The following GUCA1A variants were observed in gnomAD, a reference collection of about 807,000 sequenced individuals.
The protein encoded by GUCA1A is guanylyl cyclase-activating protein 1.
Under a neutral mutation model 18.5 loss-of-function variants are expected in GUCA1A, and 14 were observed. The observed-to-expected ratio is 0.76, with a 90% confidence interval of 0.50 to 1.18. The LOEUF is 1.18. Ranked by LOEUF, GUCA1A falls within the 50% of genes most tolerant of loss-of-function variation. The pLI, the probability that GUCA1A is intolerant of heterozygous loss-of-function variation, is 0.00. For missense variants in GUCA1A, 264 were observed against 262.4 expected (o/e 1.01, Z -0.04); for synonymous variants, 97 against 100.2 (o/e 0.97, Z 0.19).
At position 42,173,699 on chromosome 6, in the gene GUCA1A, GC is replaced by G; in HGVS notation, c.90del (p.Ser31LeufsTer18). 1 of 1,613,638 alleles carries G rather than the reference GC, an allele frequency of 6.2e-7. No homozygotes were observed. The highest frequency in any genetic ancestry group is 8.5e-7 in the Non-Finnish European group (1 of 1,179,504). On this transcript the variant is annotated frameshift_variant, in exon 1 of 4. Coordinates refer to ENST00000372958, the MANE Select transcript of GUCA1A (RefSeq NM_001384910.1). LOFTEE classifies it high-confidence loss of function. Reference sequence around the variant, plus strand: ...TGGTACAAGAAGTTCATGACTGAGTGCCCCTCTGGCCAACTCACCCTCTATG... The same window carrying G: ...TGGTACAAGAAGTTCATGACTGAGTGCCCTCTGGCCAACTCACCCTCTATG... ...HQWYKKFMTE[C>X]PSGQLTLYEF... is the part of the protein sequence containing the mutation.
At chr6:42,178,124 C>T (rs1768004987) in intron 1 of GUCA1A, among the ~76,000 whole-genome samples, 156 bp from the exon 2 acceptor site, 1 of 152,258 alleles carries the variant, frequency 6.6e-6, no homozygotes, top group Non-Finnish European at 1.5e-5. Flanking sequence ...GGAGACAGGG[C>T]TGGCCCCCTC....
At position 42,173,436 on chromosome 6, in the gene GUCA1A, T is replaced by A. The variant is rs1767860130; in HGVS notation, c.-178T>A. On this transcript the variant is annotated 5_prime_UTR_variant, in exon 1 of 4. Coordinates refer to ENST00000372958, the MANE Select transcript of GUCA1A (RefSeq NM_001384910.1). ...TGGGCCATCATCTTCTTCCTTCTGC[T>A]CTCTCCCTCTCCACATTTCCCGGTA... 1 of 652,684 alleles carries A rather than the reference T, an allele frequency of 1.5e-6. No individual in the cohort carries two copies. The highest frequency in any genetic ancestry group is 2.3e-5 in the Admixed American group (1 of 44,230). The allele number at this position is 652,684 out of a possible 1,614,324, so 40.4% of individuals were successfully genotyped here.
intron 3 of GUCA1A, 135 bp downstream of exon 3, chr6:42,179,030 C>T: frequency 1.1e-6 from 1 of 879,890 alleles, no homozygotes; most frequent in Non-Finnish European, 1.9e-6. Flanking sequence ...TCACTTCCTC[C>T]ACCTGCCTCT....
intron 1 of GUCA1A, 116 bp from the exon 2 acceptor site, chr6:42,178,164 T>G (rs956056174): frequency 1.6e-6 from 2 of 1,243,218 alleles, no homozygotes; most frequent in African/African-American, 1.5e-5. Context: ...GGGTCTCCCC[T>G]CAGCGTCTCT....
chr6:42,177,362 TAAGAA>T (rs1767983583), intron 1 of GUCA1A, among the ~76,000 whole-genome samples: 1 of 152,174 alleles, frequency 6.6e-6, no homozygotes, highest in African/African-American at 2.4e-5. Flanking sequence ...TGGAGAGCAC[TAAGAA>T]AAGTTAGTAT....
Position 42,173,638 on chromosome 6 carries a change from T to TCAGTGGAGGAGCTGAGCAGCA in GUCA1A, c.27_47dup (p.Val10_Thr16dup). On this transcript the variant is annotated inframe_insertion, in exon 1 of 4. Transcript: ENST00000372958. ...AATGGGCAACGTGATGGAGGGAAAG[T>TCAGTGGAGGAGCTGAGCAGCA]CAGTGGAGGAGCTGAGCAGCACCGA... is the stretch of plus-strand genomic sequence containing the variant. 6.2e-7 allele frequency: 1 copy of TCAGTGGAGGAGCTGAGCAGCA among 1,614,084 alleles called. No individual in the cohort carries two copies. The highest frequency in any genetic ancestry group is 8.5e-7 in the Non-Finnish European group (1 of 1,179,978).
At position 42,179,339 on chromosome 6, in the gene GUCA1A, G is replaced by C. The variant is rs558249974; in HGVS notation, c.542G>C (p.Arg181Pro). The change falls in exon 4 of 4, where the codon CGC becomes CCC. Residue 181 changes from arginine to proline, a missense_variant. Physicochemically the swap from Arg to Pro is moderately radical, Grantham distance 103. Transcript: ENST00000372958. The part of the protein sequence containing the change: ...TRSLDLTRIV[R>P]RLQNGEQDEE... ...AGCCTGGACCTTACCCGCATCGTGCGCAGGCTCCAGAATGGCGAGCAAGAC... is the reference window on the plus strand; with the variant it reads ...AGCCTGGACCTTACCCGCATCGTGCCCAGGCTCCAGAATGGCGAGCAAGAC... The C allele has an allele frequency of 1.2e-6, 2 of 1,613,548 alleles. No individual in the cohort carries two copies. Among genetic ancestry groups the C allele is most frequent in the Non-Finnish European group, 1.7e-6 (2 of 1,179,644 alleles).
At position 42,173,397 on chromosome 6, in the gene GUCA1A, T is replaced by C; in HGVS notation, c.-217T>C. On this transcript the variant is annotated 5_prime_UTR_variant, in exon 1 of 4. Transcript: ENST00000372958. ...CTCTTAACACCAGTTCTCTGGCATC[T>C]GTGAGTTTGAGTGTGGGCCATCATC... The C allele has an allele frequency of 1.6e-6, 1 of 611,186 alleles. No individual in the cohort carries two copies. The highest frequency in any genetic ancestry group is 2.8e-5 in the East Asian group (1 of 35,692). 37.9% of individuals were successfully genotyped at this position (611,186 alleles called of 1,614,324 possible).
Position 42,179,336 on chromosome 6 carries a change from T to A in GUCA1A, c.539T>A (p.Val180Glu), listed in dbSNP as rs1160879113. 6.2e-7 allele frequency: 1 copy of A among 1,613,746 alleles called. No individual in the cohort carries two copies. The highest frequency in any genetic ancestry group is 8.5e-7 in the Non-Finnish European group (1 of 1,179,760). The change falls in exon 4 of 4, where the codon GTG (valine) becomes GAG (glutamate). Residue 180 changes from valine to glutamate, a missense_variant. Val to Glu is a moderately radical substitution (Grantham distance 121). Transcript: ENST00000372958. ...LTRSLDLTRI[V>E]RRLQNGEQDE... ...CGAAGCCTGGACCTTACCCGCATCG[T>A]GCGCAGGCTCCAGAATGGCGAGCAA...
intron 1 of GUCA1A, among the ~76,000 whole-genome samples, chr6:42,175,254 A>G (rs1192646007): frequency 6.7e-6 from 1 of 148,656 alleles, no homozygotes; most frequent in African/African-American, 2.5e-5. Context: ...GGGTTAAGAC[A>G]TGTCTGCAGA....
chr6:42,176,058 C>T (rs73733107), intron 1 of GUCA1A, among the ~76,000 whole-genome samples: 3,129 of 152,236 alleles, frequency 0.021, 95 homozygotes, highest in African/African-American at 0.071. Context: ...GCCTGTCTCC[C>T]CCTGCTGGAA....
intron 1 of GUCA1A, among the ~76,000 whole-genome samples, chr6:42,176,651 C>T (rs1471427570): frequency 4.8e-4 from 73 of 152,256 alleles, no homozygotes; most frequent in Non-Finnish European, 1.6e-4. Flanking sequence ...CCAGGCTGGT[C>T]TCGAACTCCT....
At chr6:42,174,990 G>A (rs946306972) in intron 1 of GUCA1A, among the ~76,000 whole-genome samples, 6 of 152,190 alleles carry the variant, frequency 3.9e-5, no homozygotes, top group African/African-American at 1.4e-4. Flanking sequence ...AGTAGATTAC[G>A]GGCTTTGAGT....
chr6:42,179,431 G>C lies in GUCA1A; in HGVS notation c.*28G>C. On this transcript the variant is annotated 3_prime_UTR_variant, in exon 4 of 4. Coordinates refer to ENST00000372958, the MANE Select transcript of GUCA1A (RefSeq NM_001384910.1). Reference sequence around the variant, plus strand: ...GCACCGCCCGGCTGCTTCTGCACTAGCGGGTGGGGTGGTATGGTGGTGCCT... The same window carrying C: ...GCACCGCCCGGCTGCTTCTGCACTACCGGGTGGGGTGGTATGGTGGTGCCT... 6.5e-7 allele frequency: 1 copy of C among 1,538,276 alleles called. No individual in the cohort carries two copies. The highest frequency in any genetic ancestry group is 8.8e-7 in the Non-Finnish European group (1 of 1,137,098).
chr6:42,177,072 T>G (rs1269706280), intron 1 of GUCA1A, among the ~76,000 whole-genome samples: 1 of 152,116 alleles, frequency 6.6e-6, no homozygotes, highest in Non-Finnish European at 1.5e-5. Context: ...GAGTGAAACC[T>G]GGGGGACAGG....
intron 1 of GUCA1A, among the ~76,000 whole-genome samples, chr6:42,176,408 G>A (rs6923612): frequency 0.11 from 16,150 of 151,864 alleles, 2,879 homozygotes; most frequent in African/African-American, 0.37. Context: ...GGAAGTTTTT[G>A]TTGTTGTTGT....
chr6:42,178,167 G>T (rs1768006502), intron 1 of GUCA1A, 113 bp from the exon 2 acceptor site: 3 of 1,267,056 alleles, frequency 2.4e-6, no homozygotes, highest in Non-Finnish European at 3.4e-6. Context: ...TCTCCCCTCA[G>T]CGTCTCTTGG....
In GUCA1A at chr6:42,173,825, G is replaced by A; in HGVS notation, c.201+11G>A. On this transcript the variant is annotated intron_variant, in intron 1 of 3. Transcript: ENST00000372958. ...TTTGACTTCAACAAGGTGAGCAGGG[G>A]CCCAGTGGCAGGGAGGGGAAGTGCT... is the stretch of plus-strand genomic sequence containing the variant. 2.5e-6 allele frequency: 4 copies of A among 1,605,440 alleles called. No individual in the cohort carries two copies. Among genetic ancestry groups the A allele is most frequent in the Non-Finnish European group, 3.4e-6 (4 of 1,172,174 alleles).
At chr6:42,178,525 G>A in intron 2 of GUCA1A, 96 bp downstream of exon 2, 2 of 1,217,006 alleles carry the variant, frequency 1.6e-6, no homozygotes, top group South Asian at 1.2e-5. Flanking sequence ...GATTGAGACA[G>A]GATGTGGGAC....
Sources: allele counts gnomAD v4.1 joint callset (sites outside exome capture counted in the v4.1 genomes callset), GRCh38; gene constraint gnomAD v4.1.1; transcripts MANE v1.5; gene names NCBI Gene and HGNC (gene_info 2026-07-23, HGNC 2026-07-21).